Variants in DST observed in about 807,000 individuals in gnomAD.
DST encodes bullous pemphigoid antigen.
DST carries 253 observed loss-of-function variants against 875.2 expected under a neutral mutation model. That is an observed-to-expected ratio of 0.29 (90% CI 0.26 to 0.32). The LOEUF (loss-of-function observed/expected upper bound fraction) is 0.32. Among genes scored for constraint, DST ranks in the 10% least tolerant of loss-of-function variants. DST has a pLI of 1.00. For missense variants in DST, 8,287 were observed against 9,111.6 expected, an observed-to-expected ratio of 0.91 and a Z score of 3.68; for synonymous variants, 3,124 against 3,197.1, an observed-to-expected ratio of 0.98 and a Z score of 0.77.
At chr6:56,894,435 A>C (rs1789750230) in intron 3 of DST, among the ~76,000 whole-genome samples, 1 of 59,988 alleles carries the variant, frequency 1.7e-5, no homozygotes, top group Non-Finnish European at 2.9e-5. Flanking sequence ...GCGGCCGGGC[A>C]GAGGCGCCCC....
At chr6:56,902,934 A>ACATT (rs1794805314) in intron 2 of DST, among the ~76,000 whole-genome samples, 1 of 132,502 alleles carries the variant, frequency 7.5e-6, no homozygotes, top group Non-Finnish European at 1.6e-5. Flanking sequence ...CTACACACAC[A>ACATT]CATTCATTCT....
chr6:56,508,570 T>C lies in DST; in HGVS notation c.19198A>G (p.Ile6400Val), dbSNP rs771522020. Reference sequence around the variant, plus strand: ...TGTTGTTTTACTACTGAAGGATCAATTCCAGGATCTTCCAGGTCCCGGATG... The same window carrying C: ...TGTTGTTTTACTACTGAAGGATCAACTCCAGGATCTTCCAGGTCCCGGATG... ...DFIRDLEDPGIDPSVVKQQQE... is the reference protein window; with the variant it reads ...DFIRDLEDPGVDPSVVKQQQE... Residue 6400 changes from isoleucine (I) to valine (V), a missense_variant, in exon 75 of 104, where the codon ATT (isoleucine) becomes GTT (valine). Coordinates refer to ENST00000680361, the MANE Select transcript of DST (RefSeq NM_001374736.1). 6.2e-6 allele frequency: 10 copies of C among 1,613,894 alleles called. No individual in the cohort carries two copies. The East Asian group carries it at 2.0e-4, about 32-fold the overall frequency.
chr6:56,864,546 T>C (rs2127596932), intron 3 of DST, among the ~76,000 whole-genome samples: 1 of 152,134 alleles, frequency 6.6e-6, no homozygotes, highest in African/African-American at 2.4e-5. Context: ...GCCAGAGTGC[T>C]TCACCCAGCC....
chr6:56,913,862 A>C (rs1799753715), intron 2 of DST, among the ~76,000 whole-genome samples: 1 of 152,216 alleles, frequency 6.6e-6, no homozygotes, highest in South Asian at 2.1e-4. Context: ...TAGATGATGC[A>C]GTTGGATTAT....
intron 69 of DST, 90 bp from the exon 70 acceptor site, chr6:56,517,710 C>G: frequency 7.0e-7 from 1 of 1,428,114 alleles, no homozygotes; most frequent in South Asian, 1.5e-5. Context: ...ATCCTTATTA[C>G]ACAAGTGGAA....
Position 56,628,171 on chromosome 6 carries a change from T to C in DST, c.4476-10A>G. ...CTCTAAGTCCCGTAACCTAAGAGAA[T>C]AGTAACCGAATAGTCACGGTGTCCA... On this transcript the variant is annotated splice_polypyrimidine_tract_variant and intron_variant, in intron 32 of 103. Transcript: ENST00000680361. 6.2e-7 allele frequency: 1 copy of C among 1,612,082 alleles called. No individual in the cohort carries two copies. Among genetic ancestry groups the C allele is most frequent in the Non-Finnish European group, 8.5e-7 (1 of 1,178,312 alleles).
intron 4 of DST, among the ~76,000 whole-genome samples, chr6:56,840,312 T>C (rs2153072129): frequency 6.6e-6 from 1 of 152,282 alleles, no homozygotes; most frequent in South Asian, 2.1e-4. Flanking sequence ...CTACTAAGAA[T>C]GTTTTGTATT....
At chr6:56,485,937 G>A (rs1570490) in intron 87 of DST, among the ~76,000 whole-genome samples, 5,265 of 152,046 alleles carry the variant, frequency 0.035, 96 homozygotes, top group South Asian at 0.058. Flanking sequence ...CCCTGCCCCC[G>A]CCTTCAAACC....
At chr6:56,720,968 G>A (rs534142051) in intron 5 of DST, among the ~76,000 whole-genome samples, 7 of 152,084 alleles carry the variant, frequency 4.6e-5, no homozygotes, top group East Asian at 1.9e-4. Context: ...CGGGGCAGCC[G>A]GGCAGAGGCG....
chr6:56,912,187 T>C (rs1903330), intron 2 of DST, among the ~76,000 whole-genome samples: 20,652 of 152,202 alleles, frequency 0.14, 1,828 homozygotes, highest in Middle Eastern at 0.23. Context: ...CATTCCATCA[T>C]TAGAACAGTG....
In DST at chr6:56,824,183, A is replaced by T. The variant is rs532991475; in HGVS notation, c.625+27214T>A. On this transcript the variant is annotated intron_variant, in intron 4 of 103. Coordinates refer to ENST00000680361, the MANE Select transcript of DST (RefSeq NM_001374736.1). Reference sequence around the variant, plus strand: ...GCCGCCACGCCTGACTGGTTTTCGTATTTTTTTGGTGGAGACAGGGTTTCG... The same window carrying T: ...GCCGCCACGCCTGACTGGTTTTCGTTTTTTTTTGGTGGAGACAGGGTTTCG... Among the ~76,000 whole-genome samples the T allele has an allele frequency of 1.1e-4, 17 of 151,992 alleles. No individual in the cohort carries two copies. In the South Asian group the frequency reaches 1.2e-3, roughly 11 times the overall value.
intron 47 of DST, among the ~76,000 whole-genome samples, chr6:56,597,239 C>CA (rs76384316): frequency 0.35 from 45,331 of 128,558 alleles, 7,720 homozygotes; most frequent in Middle Eastern, 0.46. Context: ...GACCTTGTCT[C>CA]AAAAAAAAAA....
chr6:56,601,449 A>G lies in DST; in HGVS notation c.11535T>C (p.Asp3845=), dbSNP rs1387602313. 1 of 1,585,720 alleles carries G rather than the reference A, an allele frequency of 6.3e-7. No individual in the cohort carries two copies. Among genetic ancestry groups the G allele is most frequent in the Admixed American group, 1.8e-5 (1 of 56,876 alleles). ...TCCACGAAGAAAGGCAAACCTTCTG[A>G]TCATCAAGATCTTGTTCTAGATGTA... ...TQLHLEQDLD[D]QKIVAERQQE... The change falls in exon 44 of 104, where the codon GAT becomes GAC. Residue 3845 remains aspartate (D), a synonymous_variant. Coordinates refer to ENST00000680361, the MANE Select transcript of DST (RefSeq NM_001374736.1).
chr6:56,483,179 T>C lies in DST; in HGVS notation c.21208-302A>G, dbSNP rs147998759. 1.3e-3 allele frequency among the ~76,000 whole-genome samples: 193 copies of C among 152,354 alleles called. 1 individual carries two copies. The highest frequency in any genetic ancestry group is 1.8e-3 in the Non-Finnish European group (120 of 68,026). ...TTAAATAATGGCAGCCAGCCTTCAT[T>C]ATTTCAATTTCATAAAACAATGCAA... On this transcript the variant is annotated intron_variant, in intron 88 of 103. Coordinates refer to ENST00000680361, the MANE Select transcript of DST (RefSeq NM_001374736.1).
chr6:56,662,478 C>G lies in DST; in HGVS notation c.1214+8163G>C, dbSNP rs58284177. ...ATCACAGATACAAGAAAAAGTAGGA[C>G]TGTGGTAACAAGTGCCTGCTGTAGA... On this transcript the variant is annotated intron_variant, in intron 10 of 103. Coordinates refer to ENST00000680361, the MANE Select transcript of DST (RefSeq NM_001374736.1). Among the ~76,000 whole-genome samples, 508 of 152,288 alleles carry G rather than the reference C, an allele frequency of 3.3e-3. 3 individuals are homozygous for G. Among genetic ancestry groups the G allele is most frequent in the African/African-American group, 0.012 (492 of 41,538 alleles).
At chr6:56,586,022 G>T (rs1446124757) in intron 49 of DST, among the ~76,000 whole-genome samples, 13 of 151,638 alleles carry the variant, frequency 8.6e-5, no homozygotes, top group Admixed American at 8.5e-4. Flanking sequence ...CAACTATGTG[G>T]TCAGTTTTGG....
intron 49 of DST, among the ~76,000 whole-genome samples, chr6:56,582,832 G>A (rs374308110): frequency 6.6e-6 from 1 of 152,008 alleles, no homozygotes; most frequent in Non-Finnish European, 1.5e-5. Context: ...ACCTATGAGT[G>A]AGAACATGCG....
chr6:56,614,117 GT>G (rs1554494565), intron 37 of DST, among the ~76,000 whole-genome samples: 1 of 152,086 alleles, frequency 6.6e-6, no homozygotes, highest in Non-Finnish European at 1.5e-5. Context: ...TACTGTATTC[GT>G]TTACTAAAAA....
chr6:56,526,449 G>C lies in DST; in HGVS notation c.18041C>G (p.Ala6014Gly). Residue 6014 changes from alanine to glycine, a missense_variant, in exon 69 of 104, where the codon GCT becomes GGT. This residue lies in a region of DST where 777 missense variants were observed against 764.8 expected (regional missense o/e 1.02). Transcript: ENST00000680361. ...RAREGLEKMV[A>G]EDNERYRLVS... ...TAATCGGTAGCGCTCATTGTCCTCA[G>C]CTACCATTTTCTCAAGTCCTTCTCT... 3.1e-6 allele frequency: 5 copies of C among 1,613,832 alleles called. No homozygotes were observed. Among genetic ancestry groups the C allele is most frequent in the Non-Finnish European group, 4.2e-6 (5 of 1,179,816 alleles).
Sources: allele counts gnomAD v4.1 joint callset (sites outside exome capture counted in the v4.1 genomes callset), GRCh38; gene constraint gnomAD v4.1.1; regional missense constraint gnomAD v4.1.1; transcripts MANE v1.5; gene names NCBI Gene and HGNC (gene_info 2026-07-23, HGNC 2026-07-21).